The following PRKG1 variants were observed in gnomAD, a reference collection of about 807,000 sequenced individuals.
PRKG1 encodes the protein protein kinase cGMP-dependent 1.
A neutral mutation model predicts 88.1 loss-of-function variants in PRKG1; 35 were observed. That is an observed-to-expected ratio of 0.40 (90% CI 0.30 to 0.53). The LOEUF is 0.53. Among genes scored for constraint, PRKG1 ranks in the 20% least tolerant of loss-of-function variants. The pLI is 0.59. For missense variants in PRKG1, 540 were observed against 839.8 expected (o/e 0.64, Z 4.41); for synonymous variants, 303 against 292.5 (o/e 1.04, Z -0.37).
At chr10:51,187,596 A>C (rs756727104) in intron 2 of PRKG1, among the ~76,000 whole-genome samples, 6 of 151,998 alleles carry the variant, frequency 3.9e-5, no homozygotes, top group Non-Finnish European at 8.8e-5. Context: ...AACCAAATTC[A>C]AATTATTTAG....
At chr10:51,741,248 T>C (rs921212442) in intron 3 of PRKG1, among the ~76,000 whole-genome samples, 1 of 152,184 alleles carries the variant, frequency 6.6e-6, no homozygotes, top group East Asian at 1.9e-4. Context: ...AATTTGAAGA[T>C]ATGTATCATG....
intron 1 of PRKG1, among the ~76,000 whole-genome samples, chr10:51,062,289 T>C (rs1480051600): frequency 6.6e-6 from 1 of 152,228 alleles, no homozygotes; most frequent in Non-Finnish European, 1.5e-5. Flanking sequence ...CTTTTGAAGC[T>C]TTGCTCAACT....
Position 51,410,520 on chromosome 10 carries a change from G to A in PRKG1, c.479-57203G>A, listed in dbSNP as rs536033273. Among the ~76,000 whole-genome samples, 3 of 152,158 alleles carry A rather than the reference G, an allele frequency of 2.0e-5. No individual in the cohort carries two copies. The East Asian group carries it at 5.8e-4, about 29-fold the overall frequency. Reference sequence around the variant, plus strand: ...CTTTATATTTGCTGGCAGCTGATTAGATGGTGCCCACCCAGATTAAGGGTG... The same window carrying A: ...CTTTATATTTGCTGGCAGCTGATTAAATGGTGCCCACCCAGATTAAGGGTG... On this transcript the variant is annotated intron_variant, in intron 2 of 17. Transcript: ENST00000373980.
chr10:51,639,045 G>A (rs537403745), intron 3 of PRKG1, among the ~76,000 whole-genome samples: 1 of 152,094 alleles, frequency 6.6e-6, no homozygotes, highest in East Asian at 1.9e-4. Context: ...TTAAGGAATT[G>A]CTTTGGATTT....
intron 2 of PRKG1, among the ~76,000 whole-genome samples, chr10:51,449,939 A>C (rs1047350691): frequency 6.6e-6 from 1 of 151,974 alleles, no homozygotes; most frequent in African/African-American, 2.4e-5. Context: ...GATGCGAATC[A>C]GTGAATAAAC....
intron 3 of PRKG1, among the ~76,000 whole-genome samples, chr10:51,598,449 T>C (rs1393061195): frequency 1.3e-5 from 2 of 152,212 alleles, no homozygotes; most frequent in East Asian, 1.9e-4. Flanking sequence ...AATTTTTGTA[T>C]TTTTAGTAGA....
intron 2 of PRKG1, among the ~76,000 whole-genome samples, chr10:51,455,800 T>C (rs1024304813): frequency 1.3e-5 from 2 of 152,216 alleles, no homozygotes; most frequent in Non-Finnish European, 2.9e-5. Flanking sequence ...TTCTCACTTC[T>C]TCCTGTCTTC....
At chr10:51,123,948 G>A (rs748616543) in intron 1 of PRKG1, among the ~76,000 whole-genome samples, 2 of 152,134 alleles carry the variant, frequency 1.3e-5, no homozygotes, top group African/African-American at 2.4e-5. Context: ...AAAATCACTC[G>A]CTATTGTGAG....
At chr10:51,117,485 C>G (rs1356944131) in intron 1 of PRKG1, among the ~76,000 whole-genome samples, 1 of 152,210 alleles carries the variant, frequency 6.6e-6, no homozygotes, top group African/African-American at 2.4e-5. Context: ...ACACGATGAG[C>G]CAAGCATGTT....
At chr10:52,293,337 C>T (rs1842305522) in intron 17 of PRKG1, among the ~76,000 whole-genome samples, 1 of 151,162 alleles carries the variant, frequency 6.6e-6, no homozygotes, top group Admixed American at 6.6e-5. Flanking sequence ...CCATACTGCC[C>T]AAGGTAATTT....
chr10:52,044,754 TTTC>T (rs1298851848), intron 5 of PRKG1, among the ~76,000 whole-genome samples: 1 of 152,138 alleles, frequency 6.6e-6, no homozygotes, highest in Non-Finnish European at 1.5e-5. Flanking sequence ...TCTAAATAGA[TTTC>T]TTGATACCTT....
At chr10:52,118,034 T>G (rs74837641) in intron 7 of PRKG1, among the ~76,000 whole-genome samples, 1 of 152,246 alleles carries the variant, frequency 6.6e-6, no homozygotes, top group East Asian at 1.9e-4. Context: ...TATAGTAATA[T>G]GCTTTTAATG....
intron 5 of PRKG1, among the ~76,000 whole-genome samples, chr10:51,930,195 A>G (rs1457327335): frequency 6.6e-6 from 1 of 152,200 alleles, no homozygotes; most frequent in Non-Finnish European, 1.5e-5. Context: ...TTAAAATTGT[A>G]GAGGCAAAAA....
At chr10:51,310,947 T>A (rs958441856) in intron 2 of PRKG1, among the ~76,000 whole-genome samples, 8 of 152,170 alleles carry the variant, frequency 5.3e-5, no homozygotes, top group South Asian at 2.1e-4. Flanking sequence ...ACAAATGGCT[T>A]CCCTGAGGTA....
At chr10:52,198,240 G>A (rs940015505) in intron 9 of PRKG1, among the ~76,000 whole-genome samples, 1 of 152,096 alleles carries the variant, frequency 6.6e-6, no homozygotes, top group Non-Finnish European at 1.5e-5. Flanking sequence ...CATCTCTTAA[G>A]GGTATAATTA....
intron 9 of PRKG1, among the ~76,000 whole-genome samples, chr10:52,175,130 C>T (rs904203006): frequency 3.3e-5 from 5 of 151,956 alleles, no homozygotes; most frequent in African/African-American, 9.7e-5. Flanking sequence ...TCTCCTTGTC[C>T]GCCATTTTCT....
chr10:51,380,204 C>T (rs1837041219), intron 2 of PRKG1, among the ~76,000 whole-genome samples: 1 of 152,128 alleles, frequency 6.6e-6, no homozygotes, highest in Admixed American at 6.6e-5. Flanking sequence ...TATTTATTGT[C>T]TAATCTCCCA....
chr10:52,119,667 C>T (rs1564477081), intron 7 of PRKG1, among the ~76,000 whole-genome samples: 1 of 152,198 alleles, frequency 6.6e-6, no homozygotes, highest in Non-Finnish European at 1.5e-5. Flanking sequence ...CATTACTTTA[C>T]TCTCTAAAGT....
At chr10:51,551,546 G>T (rs1029856148) in intron 3 of PRKG1, among the ~76,000 whole-genome samples, 1 of 151,718 alleles carries the variant, frequency 6.6e-6, no homozygotes, top group African/African-American at 2.4e-5. Context: ...GTATGAATGA[G>T]TTATTGGACA....
Sources: gnomAD v4.1 joint callset for allele counts (sites outside exome capture counted in the v4.1 genomes callset) on GRCh38, gnomAD v4.1.1 for gene constraint, MANE v1.5 for transcripts, NCBI Gene and HGNC (gene_info 2026-07-23, HGNC 2026-07-21) for gene names.